VPS41: variants seen among roughly 807,000 people sequenced by gnomAD.
The protein encoded by VPS41 is VPS41 subunit of HOPS complex.
VPS41 carries 85 observed loss-of-function variants against 130.9 expected under a neutral mutation model. The observed-to-expected ratio is 0.65, with a 90% CI of 0.55 to 0.78. The LOEUF is 0.78. Among genes scored for constraint, VPS41 ranks in the 30% least tolerant of loss-of-function variants. VPS41 has a pLI of 0.00. For synonymous variants in VPS41, 335 were observed against 332.9 expected (o/e 1.01, Z -0.07); for missense variants, 874 against 1,018.7 (o/e 0.86, Z 1.93).
chr7:38,767,505 T>C (rs752365432), intron 15 of VPS41, 32 bp downstream of exon 15: 1 of 1,504,806 alleles, frequency 6.6e-7, no homozygotes, highest in South Asian at 1.2e-5. Flanking sequence ...TCTATTTATA[T>C]TAACAAATAA....
intron 7 of VPS41, among the ~76,000 whole-genome samples, chr7:38,801,944 T>C (rs1784734765): frequency 6.6e-6 from 1 of 152,188 alleles, no homozygotes. Flanking sequence ...TTGAACACAA[T>C]GGAATCTACT....
chr7:38,825,923 A>G (rs530192334), intron 5 of VPS41, among the ~76,000 whole-genome samples: 1 of 152,376 alleles, frequency 6.6e-6, no homozygotes, highest in Non-Finnish European at 1.5e-5. Context: ...GGAGGTGGCC[A>G]GAGTACTATA....
At chr7:38,898,453 C>T (rs1212456148) in intron 1 of VPS41, among the ~76,000 whole-genome samples, 2 of 152,162 alleles carry the variant, frequency 1.3e-5, no homozygotes, top group Non-Finnish European at 2.9e-5. Flanking sequence ...TCACTAATCT[C>T]AGAAGGGAAG....
chr7:38,774,291 A>G lies in VPS41; in HGVS notation c.883-47T>C, dbSNP rs769265825. The G allele has an allele frequency of 5.4e-6, 8 of 1,492,988 alleles. No individual in the cohort carries two copies. The South Asian group carries it at 8.2e-5, about 15-fold the overall frequency. 92.5% of individuals were successfully genotyped at this position (1,492,988 alleles called of 1,614,324 possible). On this transcript the variant is annotated intron_variant, in intron 11 of 28. Coordinates refer to ENST00000310301, the MANE Select transcript of VPS41 (RefSeq NM_014396.4). ...ACATTAATTTAAATTACATTTCTAT[A>G]TATCATACAAATTAATTCTAGTTAG...
intron 17 of VPS41, among the ~76,000 whole-genome samples, chr7:38,761,801 G>A (rs530526186): frequency 6.6e-6 from 1 of 151,852 alleles, no homozygotes; most frequent in African/African-American, 2.4e-5. Flanking sequence ...TACCCAGGCT[G>A]GTTTTGAACT....
intron 10 of VPS41, among the ~76,000 whole-genome samples, chr7:38,783,899 T>A (rs561028600): frequency 1.5e-4 from 23 of 152,334 alleles, no homozygotes; most frequent in Middle Eastern, 3.4e-3. Flanking sequence ...AAATCAATAT[T>A]TTTATTACTT....
In VPS41 at chr7:38,725,837, C is replaced by T. The variant is rs1040911092; in HGVS notation, c.*409G>A. 6.3e-6 allele frequency: 1 copy of T among 157,754 alleles called. No homozygotes were observed. Among genetic ancestry groups the T allele is most frequent in the Non-Finnish European group, 1.4e-5 (1 of 71,880 alleles). 9.8% of individuals were successfully genotyped at this position (157,754 alleles called of 1,614,324 possible). On this transcript the variant is annotated 3_prime_UTR_variant, in exon 29 of 29. Transcript: ENST00000310301. ...CAGCAGAGCACGTGGAAACAACGTCCAAGTTGCAGGTAGCAGCTTGCAGGA... is the reference window on the plus strand; with the variant it reads ...CAGCAGAGCACGTGGAAACAACGTCTAAGTTGCAGGTAGCAGCTTGCAGGA...
chr7:38,725,813 A>G lies in VPS41; in HGVS notation c.*433T>C, dbSNP rs1399266179. On this transcript the variant is annotated 3_prime_UTR_variant, in exon 29 of 29. Transcript: ENST00000310301. ...AACCCAGAATGCAAGAATCGTAGCC[A>G]GCAGAGCACGTGGAAACAACGTCCA... 1 of 156,638 alleles carries G rather than the reference A, an allele frequency of 6.4e-6. No homozygotes were observed. Among genetic ancestry groups the G allele is most frequent in the African/African-American group, 2.4e-5 (1 of 41,548 alleles). The allele number at this position is 156,638 out of a possible 1,614,324, so 9.7% of individuals were successfully genotyped here.
intron 18 of VPS41, among the ~76,000 whole-genome samples, chr7:38,758,143 T>C (rs1020052627): frequency 2.6e-5 from 4 of 152,160 alleles, no homozygotes; most frequent in Non-Finnish European, 5.9e-5. Context: ...GGGGTTCTCT[T>C]CTCTGGGAAA....
At position 38,734,504 on chromosome 7, in the gene VPS41, T is replaced by C. The variant is rs574917345; in HGVS notation, c.2260-5713A>G. ...TAAGAATGAATTTACAACACGACTG[T>C]TGAAAATCAACATGAGAACTTAGAT... On this transcript the variant is annotated intron_variant, in intron 25 of 28. Transcript: ENST00000310301. Among the ~76,000 whole-genome samples, 13 of 152,336 alleles carry C rather than the reference T, an allele frequency of 8.5e-5. No homozygotes were observed. The East Asian group carries it at 1.9e-3, about 23-fold the overall frequency.
chr7:38,804,520 G>A (rs1280424952), intron 7 of VPS41, among the ~76,000 whole-genome samples: 1 of 152,190 alleles, frequency 6.6e-6, no homozygotes, highest in Non-Finnish European at 1.5e-5. Context: ...ACAGACCAAT[G>A]CTCTGAAATT....
At chr7:38,795,421 G>C (rs776178019) in intron 9 of VPS41, 44 bp downstream of exon 9, 11 of 1,567,256 alleles carry the variant, frequency 7.0e-6, no homozygotes, top group Non-Finnish European at 9.5e-6. Flanking sequence ...ACCCTCAGTG[G>C]ATCTATAACA....
chr7:38,758,596 C>T (rs1783852636), intron 17 of VPS41, 115 bp from the exon 18 acceptor site: 1 of 1,036,960 alleles, frequency 9.6e-7, no homozygotes, highest in Non-Finnish European at 1.4e-6. Flanking sequence ...CTCTCAAAAT[C>T]CTTAGAATCT....
At chr7:38,726,475 TA>T in intron 28 of VPS41, 149 bp from the exon 29 acceptor site, 1 of 651,026 alleles carries the variant, frequency 1.5e-6, no homozygotes, top group Non-Finnish European at 2.6e-6. Context: ...CTGGTTAACA[TA>T]GGATTTAGTC....
chr7:38,859,076 T>C (rs993331455), intron 4 of VPS41, among the ~76,000 whole-genome samples: 3 of 152,032 alleles, frequency 2.0e-5, no homozygotes, highest in Non-Finnish European at 2.9e-5. Flanking sequence ...AATGTGTGTG[T>C]TTGTATCTTC....
chr7:38,769,008 T>C (rs752198370), intron 14 of VPS41, among the ~76,000 whole-genome samples: 16 of 152,164 alleles, frequency 1.1e-4, no homozygotes, highest in Non-Finnish European at 7.3e-5. Context: ...AACCGTACTT[T>C]ATAATCTCCT....
chr7:38,735,937 T>C (rs1795753706), intron 25 of VPS41, among the ~76,000 whole-genome samples: 2 of 151,880 alleles, frequency 1.3e-5, no homozygotes, highest in South Asian at 4.2e-4. Flanking sequence ...GGGAAGGGAG[T>C]CAAGGGATGG....
intron 2 of VPS41, among the ~76,000 whole-genome samples, chr7:38,880,424 C>T (rs1786580091): frequency 6.6e-6 from 1 of 152,060 alleles, no homozygotes; most frequent in South Asian, 2.1e-4. Flanking sequence ...AAAGGAAATG[C>T]TACCCTCTCC....
intron 4 of VPS41, among the ~76,000 whole-genome samples, chr7:38,838,469 C>T (rs921524923): frequency 7.9e-5 from 12 of 151,988 alleles, no homozygotes; most frequent in African/African-American, 2.9e-4. Context: ...AAAAGAAGAC[C>T]AGAGAAAAAT....
Sources: allele counts gnomAD v4.1 joint callset (sites outside exome capture counted in the v4.1 genomes callset), GRCh38; gene constraint gnomAD v4.1.1; transcripts MANE v1.5; gene names NCBI Gene and HGNC (gene_info 2026-07-23, HGNC 2026-07-21).